Variants in GLIS3 observed in about 807,000 individuals in gnomAD.
The protein encoded by GLIS3 is zinc finger protein GLIS3.
In GLIS3, 53 loss-of-function variants were observed where a neutral mutation model predicts 78.6. The observed-to-expected ratio is 0.67, with a 90% confidence interval of 0.54 to 0.85. The LOEUF is 0.85. Among genes scored for constraint, GLIS3 ranks in the 40% least tolerant of loss-of-function variants. The pLI, the probability that GLIS3 is intolerant of heterozygous loss-of-function variation, is 0.00. For synonymous variants in GLIS3, 684 were observed against 509.9 expected (o/e 1.34, Z -4.60); for missense variants, 1,703 against 1,231.1 (o/e 1.38, Z -5.74).
At chr9:4,051,304 T>G (rs1825730631) in intron 4 of GLIS3, among the ~76,000 whole-genome samples, 1 of 152,174 alleles carries the variant, frequency 6.6e-6, no homozygotes, top group African/African-American at 2.4e-5. Flanking sequence ...GAAAGGTGTG[T>G]GTGGCAGGGG....
the GLIS3 span, among the ~76,000 whole-genome samples, chr9:4,470,219 A>G: frequency 6.6e-6 from 1 of 152,212 alleles, no homozygotes; most frequent in African/African-American, 2.4e-5. Flanking sequence ...ATTCCAATCA[A>G]TAGAAAAAGA....
At chr9:4,270,680 T>G (rs1045957816) in intron 2 of GLIS3, among the ~76,000 whole-genome samples, 2 of 152,142 alleles carry the variant, frequency 1.3e-5, no homozygotes, top group South Asian at 4.2e-4. Flanking sequence ...TAAGTCAAAC[T>G]TCTTGCAGCC....
chr9:3,828,610 T>C (rs1817861001), intron 10 of GLIS3, among the ~76,000 whole-genome samples: 2 of 152,172 alleles, frequency 1.3e-5, no homozygotes, highest in South Asian at 4.1e-4. Context: ...GGCTAAAATA[T>C]GACCACACAA....
intron 2 of GLIS3, among the ~76,000 whole-genome samples, chr9:4,220,672 T>G (rs1015663490): frequency 3.3e-5 from 5 of 151,174 alleles, no homozygotes; most frequent in Non-Finnish European, 5.9e-5. Context: ...GCAGTAGGGT[T>G]GAGCCAGGAG....
At chr9:4,157,810 CG>C (rs1835149598) in intron 2 of GLIS3, among the ~76,000 whole-genome samples, 3 of 152,270 alleles carry the variant, frequency 2.0e-5, no homozygotes, top group Admixed American at 2.0e-4. Flanking sequence ...GTCCACATCA[CG>C]TATGCATTCT....
intron 4 of GLIS3, among the ~76,000 whole-genome samples, chr9:3,965,393 T>G (rs904804188): frequency 2.0e-5 from 3 of 151,848 alleles, no homozygotes; most frequent in Non-Finnish European, 4.4e-5. Context: ...GGGGTTTCAC[T>G]ATGTTAGTCA....
intron 6 of GLIS3, among the ~76,000 whole-genome samples, chr9:3,906,555 G>C (rs544193534): frequency 9.2e-5 from 14 of 152,274 alleles, no homozygotes; most frequent in African/African-American, 3.4e-4. Context: ...TGTTAACACT[G>C]AGATGACTCC....
the GLIS3 span, among the ~76,000 whole-genome samples, chr9:4,373,230 C>G: frequency 3.2e-4 from 48 of 152,324 alleles, no homozygotes; most frequent in Non-Finnish European, 5.6e-4. Context: ...TCAGACATCA[C>G]TGATCACGCA....
At chr9:4,108,237 G>A (rs886225235) in intron 4 of GLIS3, among the ~76,000 whole-genome samples, 1 of 152,058 alleles carries the variant, frequency 6.6e-6, no homozygotes, top group African/African-American at 2.4e-5. Flanking sequence ...TTTCTTTCTC[G>A]TTAAAATGTA....
intron 4 of GLIS3, among the ~76,000 whole-genome samples, chr9:4,070,323 G>A (rs751877644): frequency 3.9e-5 from 6 of 152,160 alleles, no homozygotes; most frequent in Non-Finnish European, 5.9e-5. Context: ...CTTTGCACCA[G>A]GGAAAACTAG....
chr9:4,314,025 C>G (rs1220463174), intron 2 of GLIS3, among the ~76,000 whole-genome samples: 1 of 152,136 alleles, frequency 6.6e-6, no homozygotes, highest in Non-Finnish European at 1.5e-5. Context: ...ATGTAGTTAG[C>G]CATATTGCCT....
chr9:4,231,110 T>TAATC (rs146915542), intron 2 of GLIS3, among the ~76,000 whole-genome samples: 1 of 118 alleles, frequency 8.5e-3, no homozygotes, highest in Non-Finnish European at 0.016. Context: ...ATGTTCAGGA[T>TAATC]AATGAGATGA....
chr9:4,359,682 G>A, the GLIS3 span, among the ~76,000 whole-genome samples: 1 of 152,084 alleles, frequency 6.6e-6, no homozygotes, highest in Non-Finnish European at 1.5e-5. Flanking sequence ...TATTTAAAAT[G>A]GTAACATTGC....
intron 2 of GLIS3, among the ~76,000 whole-genome samples, chr9:4,284,891 C>G (rs1827854267): frequency 6.6e-6 from 1 of 152,118 alleles, no homozygotes; most frequent in Non-Finnish European, 1.5e-5. Flanking sequence ...TGTACTCCAG[C>G]CTGGGTGACA....
intron 4 of GLIS3, among the ~76,000 whole-genome samples, chr9:4,079,417 T>C (rs984961201): frequency 2.6e-5 from 4 of 152,172 alleles, no homozygotes; most frequent in South Asian, 2.1e-4. Context: ...TTGCAAGCCA[T>C]AGCGAAGAAA....
intron 2 of GLIS3, among the ~76,000 whole-genome samples, chr9:4,192,231 T>C (rs1315446249): frequency 1.3e-5 from 2 of 152,354 alleles, no homozygotes; most frequent in East Asian, 3.9e-4. Context: ...TCAGTTTTGT[T>C]TCATTTATAA....
Position 4,118,952 on chromosome 9 carries a change from C to T in GLIS3, c.597-71G>A. On this transcript the variant is annotated intron_variant, in intron 3 of 10. Coordinates refer to ENST00000381971, the MANE Select transcript of GLIS3 (RefSeq NM_001042413.2). The surrounding 1 kb of genome is among the most constrained non-coding windows in gnomAD (Gnocchi z 4.7). The stretch of plus-strand genomic sequence containing the variant: ...TAGCAGGATACGGATTGCTTAAGAG[C>T]TAAAAGAACACTGCATTGACAATCC... 2 of 1,480,714 alleles carry T rather than the reference C, an allele frequency of 1.4e-6. No homozygotes were observed. Among genetic ancestry groups the T allele is most frequent in the Non-Finnish European group, 9.2e-7 (1 of 1,090,772 alleles). 91.7% of individuals were successfully genotyped at this position (1,480,714 alleles called of 1,614,324 possible).
rs1042695606 is a variant in GLIS3, at chr9:4,261,511, T to C, written c.388+24527A>G. ...CTATGGTAGAATAAAACCAGGCCTT[T>C]TTCTTACTGCTCAGAGTAATTCTGA... is the stretch of plus-strand genomic sequence containing the variant. On this transcript the variant is annotated intron_variant, in intron 2 of 10. Transcript: ENST00000381971. 9.9e-5 allele frequency among the ~76,000 whole-genome samples: 15 copies of C among 152,218 alleles called. 1 individual carries two copies. Among genetic ancestry groups the C allele is most frequent in the Middle Eastern group, 3.4e-3 (1 of 294 alleles).
At chr9:3,922,614 A>G (rs1485082297) in intron 6 of GLIS3, among the ~76,000 whole-genome samples, 1 of 152,044 alleles carries the variant, frequency 6.6e-6, no homozygotes, top group Non-Finnish European at 1.5e-5. Context: ...TGCTGGGGGT[A>G]AGGTGGGGAA....
Sources: allele counts gnomAD v4.1 joint callset (sites outside exome capture counted in the v4.1 genomes callset), GRCh38; gene constraint gnomAD v4.1.1; non-coding constraint Gnocchi (gnomAD v3.1); transcripts MANE v1.5; gene names NCBI Gene and HGNC (gene_info 2026-07-23, HGNC 2026-07-21).